The following SYNE3 variants were observed in gnomAD, a reference collection of about 807,000 sequenced individuals.
SYNE3 encodes nesprin-3.
A neutral mutation model predicts 111.2 loss-of-function variants in SYNE3; 100 were observed. The ratio of observed to expected loss-of-function variants is 0.90; its 90% CI spans 0.77 to 1.06. The LOEUF is 1.06. SYNE3 is among the 50% of genes least tolerant of loss of function. SYNE3 has a pLI of 0.00. For synonymous variants in SYNE3, 547 were observed against 533.9 expected (o/e 1.02, Z -0.34); for missense variants, 1,160 against 1,240.3 (o/e 0.94, Z 0.97).
At chr14:95,418,125 T>C (rs974034568) in intron 17 of SYNE3, 99 bp from the exon 18 acceptor site, 4 of 1,230,340 alleles carry the variant, frequency 3.3e-6, no homozygotes, top group East Asian at 4.7e-5. Context: ...GTGGTAGCAC[T>C]GAACTGACTG....
At chr14:95,488,639 G>A (rs1279840485) in intron 1 of SYNE3, among the ~76,000 whole-genome samples, 1 of 134,148 alleles carries the variant, frequency 7.5e-6, no homozygotes, top group African/African-American at 2.7e-5. Flanking sequence ...ATGAGCCTGG[G>A]CAACACATGG....
chr14:95,412,142 G>A lies in SYNE3; in HGVS notation c.*5684C>T, dbSNP rs530571747. 84 of 154,600 alleles carry A rather than the reference G, an allele frequency of 5.4e-4. 1 individual carries two copies. Among genetic ancestry groups the A allele is most frequent in the Non-Finnish European group, 8.6e-4 (60 of 69,894 alleles). 9.6% of individuals were successfully genotyped at this position (154,600 alleles called of 1,614,324 possible). On this transcript the variant is annotated 3_prime_UTR_variant, in exon 18 of 18. Coordinates refer to ENST00000682763, the MANE Select transcript of SYNE3 (RefSeq NM_152592.6). The stretch of plus-strand genomic sequence containing the variant: ...CCATGCCCAGGTCCTCTCCCTGCCC[G>A]GCCCAGCTGCCCTGGCCTCCTTGAC...
chr14:95,434,691 C>T (rs1885984742), intron 15 of SYNE3, among the ~76,000 whole-genome samples: 1 of 152,162 alleles, frequency 6.6e-6, no homozygotes, highest in South Asian at 2.1e-4. Context: ...GAGTTTCGCT[C>T]TTGTTGCCCA....
At chr14:95,440,639 T>C (rs1420146712) in intron 11 of SYNE3, among the ~76,000 whole-genome samples, 1 of 152,246 alleles carries the variant, frequency 6.6e-6, no homozygotes, top group Non-Finnish European at 1.5e-5. Flanking sequence ...CAGATGAATT[T>C]ACAACCATCA....
intron 1 of SYNE3, among the ~76,000 whole-genome samples, chr14:95,499,068 T>C (rs930797884): frequency 2.6e-5 from 4 of 152,202 alleles, no homozygotes; most frequent in African/African-American, 9.7e-5. Flanking sequence ...AGAGCTGTAC[T>C]CACTGAACCC....
intron 17 of SYNE3, among the ~76,000 whole-genome samples, chr14:95,424,573 T>C (rs942882749): frequency 6.6e-6 from 1 of 152,328 alleles, no homozygotes; most frequent in Admixed American, 6.5e-5. Flanking sequence ...TCTTAACTGA[T>C]GGTCAGAGTG....
chr14:95,509,599 G>A (rs1418021710), intron 1 of SYNE3, among the ~76,000 whole-genome samples: 1 of 152,232 alleles, frequency 6.6e-6, no homozygotes, highest in Non-Finnish European at 1.5e-5. Flanking sequence ...TAGCCCAGGT[G>A]AAGGTCAAAT....
intron 1 of SYNE3, among the ~76,000 whole-genome samples, chr14:95,490,816 A>T (rs1478583179): frequency 6.6e-6 from 1 of 152,252 alleles, no homozygotes; most frequent in Non-Finnish European, 1.5e-5. Flanking sequence ...CGGCAAAGCC[A>T]TGCATTGCCA....
chr14:95,503,739 C>T (rs1245231176), intron 1 of SYNE3, among the ~76,000 whole-genome samples: 1 of 151,384 alleles, frequency 6.6e-6, no homozygotes, highest in African/African-American at 2.4e-5. Flanking sequence ...CTGCCTCCAC[C>T]TATCGAGTAG....
intron 3 of SYNE3, among the ~76,000 whole-genome samples, chr14:95,466,967 C>A (rs1888224001): frequency 1.3e-5 from 2 of 152,196 alleles, no homozygotes; most frequent in South Asian, 4.1e-4. Flanking sequence ...GGACGGAAGG[C>A]TGGGAGCCTG....
chr14:95,419,434 AC>A (rs1884946012), intron 17 of SYNE3, among the ~76,000 whole-genome samples: 1 of 152,302 alleles, frequency 6.6e-6, no homozygotes, highest in African/African-American at 2.4e-5. Context: ...TACTATTAGT[AC>A]TATTAATACT....
chr14:95,448,000 C>T (rs932519339), intron 8 of SYNE3, among the ~76,000 whole-genome samples: 1 of 152,192 alleles, frequency 6.6e-6, no homozygotes, highest in Non-Finnish European at 1.5e-5. Flanking sequence ...AATTATGTCA[C>T]ACTCCAGAAC....
chr14:95,505,605 A>C (rs1171400657), intron 1 of SYNE3, among the ~76,000 whole-genome samples: 1 of 152,006 alleles, frequency 6.6e-6, no homozygotes, highest in Non-Finnish European at 1.5e-5. Flanking sequence ...AATATTCTTT[A>C]ATTTGACCCA....
At chr14:95,455,878 C>A in intron 5 of SYNE3, 154 bp from the exon 6 acceptor site, 1 of 708,660 alleles carries the variant, frequency 1.4e-6, no homozygotes, top group Non-Finnish European at 2.3e-6. Context: ...GCTGGACTGT[C>A]TGCCTTAAGT....
rs372688254 is a variant in SYNE3, at chr14:95,433,437, G to A, written c.2539-28C>T. 97 of 1,611,562 alleles carry A rather than the reference G, an allele frequency of 6.0e-5. No homozygotes were observed. In the Middle Eastern group the frequency reaches 6.6e-4, roughly 11 times the overall value. On this transcript the variant is annotated intron_variant, in intron 15 of 17. Coordinates refer to ENST00000682763, the MANE Select transcript of SYNE3 (RefSeq NM_152592.6). ...GGGGGAAACAGCAGCGTCATGGTGC[G>A]GCTTCCAAATGGCCCAGACAGCCCC...
chr14:95,450,142 A>G, intron 7 of SYNE3, 37 bp from the exon 8 acceptor site: 2 of 1,552,104 alleles, frequency 1.3e-6, no homozygotes, highest in Non-Finnish European at 1.7e-6. Flanking sequence ...GAGGGAGGAG[A>G]GAGAGTGGGT....
rs909184798 is a variant in SYNE3, at chr14:95,409,426, T to C, written c.*8400A>G. On this transcript the variant is annotated 3_prime_UTR_variant, in exon 18 of 18. Transcript: ENST00000682763. Reference sequence around the variant, plus strand: ...AGGTGCTGGGGATGGGCTGGCCTGGTGTTCCTGGTTGCTGAGCTCAGAAGC... The same window carrying C: ...AGGTGCTGGGGATGGGCTGGCCTGGCGTTCCTGGTTGCTGAGCTCAGAAGC... The C allele has an allele frequency of 1.5e-5, 7 of 454,794 alleles. No homozygotes were observed. The highest frequency in any genetic ancestry group is 1.4e-4 in the African/African-American group (7 of 49,922). 28.2% of individuals were successfully genotyped at this position (454,794 alleles called of 1,614,324 possible). A position where few individuals can be genotyped will look rare whatever the true frequency, so the allele number is the denominator to read the frequency against.
chr14:95,503,757 C>T (rs912469037), intron 1 of SYNE3, among the ~76,000 whole-genome samples: 69 of 151,882 alleles, frequency 4.5e-4, no homozygotes, highest in Non-Finnish European at 1.6e-4. Flanking sequence ...TAGCTGAGAC[C>T]ACAGGCATGG....
At chr14:95,492,958 G>A (rs1023013425) in intron 1 of SYNE3, among the ~76,000 whole-genome samples, 1 of 152,074 alleles carries the variant, frequency 6.6e-6, no homozygotes, top group Admixed American at 6.5e-5. Flanking sequence ...CCCAAAACTA[G>A]GAGGGCCATT....
Sources: allele counts gnomAD v4.1 joint callset (sites outside exome capture counted in the v4.1 genomes callset), GRCh38; gene constraint gnomAD v4.1.1; transcripts MANE v1.5; gene names NCBI Gene and HGNC (gene_info 2026-07-23, HGNC 2026-07-21).